CSMD1: variants seen among roughly 807,000 people sequenced by gnomAD.
CSMD1 encodes CUB and sushi domain-containing protein 1.
Under a neutral mutation model 417.5 loss-of-function variants are expected in CSMD1, and 213 were observed. The ratio of observed to expected loss-of-function variants is 0.51; its 90% CI spans 0.46 to 0.57. The LOEUF is 0.57. CSMD1 is among the 20% of genes least tolerant of loss of function. The pLI is 0.00. For synonymous variants in CSMD1, 2,862 were observed against 1,736.8 expected, an observed-to-expected ratio of 1.65 and a Z score of -16.11; for missense variants, 6,923 against 4,529.7, an observed-to-expected ratio of 1.53 and a Z score of -15.17.
intron 3 of CSMD1, among the ~76,000 whole-genome samples, chr8:4,067,348 G>A (rs1216413327): frequency 6.6e-6 from 1 of 152,060 alleles, no homozygotes; most frequent in Admixed American, 6.5e-5. Context: ...TATAATTCAG[G>A]GAATTTTAAA....
intron 1 of CSMD1, among the ~76,000 whole-genome samples, chr8:4,645,415 T>C (rs1404281896): frequency 2.7e-5 from 3 of 111,950 alleles, no homozygotes; most frequent in African/African-American, 3.5e-5. Context: ...AAAAGACAAA[T>C]TGCCAAGACA....
intron 10 of CSMD1, among the ~76,000 whole-genome samples, chr8:3,562,271 A>T (rs1038238912): frequency 2.0e-5 from 3 of 151,814 alleles, no homozygotes; most frequent in Admixed American, 2.0e-4. Context: ...AGGCCACAAA[A>T]CATCAACTGA....
intron 10 of CSMD1, among the ~76,000 whole-genome samples, chr8:3,512,404 G>T (rs1182559392): frequency 6.6e-6 from 1 of 152,080 alleles, no homozygotes; most frequent in African/African-American, 2.4e-5. Flanking sequence ...CCCATAGACA[G>T]GCTTTTGGTG....
intron 2 of CSMD1, among the ~76,000 whole-genome samples, chr8:4,522,140 G>C (rs1261114052): frequency 6.6e-6 from 1 of 152,072 alleles, no homozygotes; most frequent in Non-Finnish European, 1.5e-5. Flanking sequence ...GAACTATGGA[G>C]GCAAGTCTTT....
chr8:4,476,643 T>C (rs968287742), intron 2 of CSMD1, among the ~76,000 whole-genome samples: 1 of 152,190 alleles, frequency 6.6e-6, no homozygotes, highest in African/African-American at 2.4e-5. Context: ...TAGCAACTCA[T>C]AGTCTAACAC....
intron 8 of CSMD1, among the ~76,000 whole-genome samples, chr8:3,603,361 G>A (rs1310989886): frequency 1.3e-5 from 2 of 152,182 alleles, no homozygotes; most frequent in South Asian, 4.2e-4. Context: ...TTGGACAATG[G>A]CAGGGGACTT....
At chr8:3,448,959 C>G (rs1335317793) in intron 12 of CSMD1, among the ~76,000 whole-genome samples, 1 of 152,174 alleles carries the variant, frequency 6.6e-6, no homozygotes, top group Non-Finnish European at 1.5e-5. Flanking sequence ...AAGAAGGTGA[C>G]AGCCAATCGC....
At chr8:3,168,206 T>G (rs2129042681) in intron 37 of CSMD1, among the ~76,000 whole-genome samples, 1 of 152,256 alleles carries the variant, frequency 6.6e-6, no homozygotes, top group East Asian at 1.9e-4. Flanking sequence ...TACAGACACC[T>G]GAGTATTCAA....
At chr8:4,063,575 T>A (rs1799091830) in intron 3 of CSMD1, among the ~76,000 whole-genome samples, 1 of 152,164 alleles carries the variant, frequency 6.6e-6, no homozygotes, top group African/African-American at 2.4e-5. Flanking sequence ...ATTTAAGCAA[T>A]ATTCCTTGGC....
chr8:3,724,223 G>C (rs1463326033), intron 6 of CSMD1, among the ~76,000 whole-genome samples: 1 of 150,978 alleles, frequency 6.6e-6, no homozygotes, highest in Non-Finnish European at 1.5e-5. Flanking sequence ...TATACTTTAA[G>C]TTTTAGGGTA....
chr8:4,417,893 A>G (rs78586664), intron 3 of CSMD1, among the ~76,000 whole-genome samples: 20,686 of 152,034 alleles, frequency 0.14, 1,533 homozygotes, highest in African/African-American at 0.18. Flanking sequence ...ATAGTTGTCT[A>G]AAGTTTATGT....
chr8:3,366,607 G>C (rs997163108), intron 20 of CSMD1, among the ~76,000 whole-genome samples: 13 of 152,104 alleles, frequency 8.5e-5, no homozygotes, highest in Admixed American at 3.3e-4. Context: ...TTTCATCCTA[G>C]AGGTGGTTGT....
At chr8:3,641,196 T>C (rs1260938908) in intron 7 of CSMD1, among the ~76,000 whole-genome samples, 2 of 152,044 alleles carry the variant, frequency 1.3e-5, no homozygotes, top group Non-Finnish European at 2.9e-5. Context: ...TTGACTGGGG[T>C]ACATTGCCTT....
chr8:3,381,266 A>G (rs894001549), intron 18 of CSMD1, among the ~76,000 whole-genome samples: 1 of 151,580 alleles, frequency 6.6e-6, no homozygotes, highest in Non-Finnish European at 1.5e-5. Flanking sequence ...AGATCTACCC[A>G]CATGAAAAAA....
chr8:4,558,637 C>G (rs894387219), intron 2 of CSMD1, among the ~76,000 whole-genome samples: 1 of 152,146 alleles, frequency 6.6e-6, no homozygotes, highest in African/African-American at 2.4e-5. Flanking sequence ...GAGGCTGAGG[C>G]AGCTGGATCA....
chr8:4,868,848 A>T (rs1413314005), intron 1 of CSMD1, among the ~76,000 whole-genome samples: 1 of 151,990 alleles, frequency 6.6e-6, no homozygotes, highest in East Asian at 1.9e-4. Context: ...AGAAATTGAT[A>T]ACCAATTTCA....
chr8:3,547,197 G>C (rs1000574239), intron 10 of CSMD1, among the ~76,000 whole-genome samples: 1 of 152,182 alleles, frequency 6.6e-6, no homozygotes, highest in African/African-American at 2.4e-5. Flanking sequence ...AGAAAACAGG[G>C]CCACATGGCT....
rs910601272 is a variant in CSMD1, at chr8:4,139,686, T to A, written c.416-107587A>T. Among the ~76,000 whole-genome samples the A allele has an allele frequency of 2.0e-5, 3 of 151,104 alleles. No individual in the cohort carries two copies. In the South Asian group the frequency reaches 6.2e-4, roughly 31 times the overall value. On this transcript the variant is annotated intron_variant, in intron 3 of 69. Coordinates refer to ENST00000635120, the MANE Select transcript of CSMD1 (RefSeq NM_033225.6). ...GATGCCAAACAGTGCCATTTGCAAA[T>A]GTTAGAATGATGATTTTGGTGGGAA... is the stretch of plus-strand genomic sequence containing the variant.
chr8:3,945,516 G>A (rs775142852), intron 5 of CSMD1, among the ~76,000 whole-genome samples: 37 of 151,962 alleles, frequency 2.4e-4, no homozygotes, highest in Non-Finnish European at 4.3e-4. Context: ...AAGTTTATTG[G>A]TAATAGTGAA....
Sources: allele counts gnomAD v4.1 joint callset (sites outside exome capture counted in the v4.1 genomes callset), GRCh38; gene constraint gnomAD v4.1.1; transcripts MANE v1.5; gene names NCBI Gene and HGNC (gene_info 2026-07-23, HGNC 2026-07-21).